The following SP140 variants were observed in gnomAD, a reference collection of about 807,000 sequenced individuals.
The protein encoded by SP140 is nuclear body protein SP140.
Under a neutral mutation model 125.0 loss-of-function variants are expected in SP140, and 81 were observed. The observed-to-expected ratio is 0.65, with a 90% CI of 0.54 to 0.78. The LOEUF is 0.78. Ranked by LOEUF, SP140 falls within the 30% of genes least tolerant of loss-of-function variation. The pLI, the probability that SP140 is intolerant of heterozygous loss-of-function variation, is 0.00. For missense variants in SP140, 858 were observed against 1,037.0 expected, an observed-to-expected ratio of 0.83 and a Z score of 2.37; for synonymous variants, 312 against 354.0, an observed-to-expected ratio of 0.88 and a Z score of 1.33.
At chr2:230,275,170 C>T (rs533725259) in intron 15 of SP140, among the ~76,000 whole-genome samples, 6 of 152,136 alleles carry the variant, frequency 3.9e-5, no homozygotes, top group South Asian at 2.1e-4. Flanking sequence ...GGGTTGACTA[C>T]GTGTGTTGTC....
At chr2:230,229,163 A>G (rs1408964468) in intron 1 of SP140, among the ~76,000 whole-genome samples, 1 of 152,008 alleles carries the variant, frequency 6.6e-6, no homozygotes, top group Non-Finnish European at 1.5e-5. Flanking sequence ...ACACCATGCA[A>G]CTGAATGTCC....
intron 1 of SP140, among the ~76,000 whole-genome samples, chr2:230,233,632 T>C (rs1020630410): frequency 4.5e-4 from 68 of 152,228 alleles, no homozygotes; most frequent in African/African-American, 1.5e-3. Context: ...AAATATGTAT[T>C]TATTCATTTA....
At chr2:230,296,327 G>T (rs1431859735) in intron 21 of SP140, among the ~76,000 whole-genome samples, 1 of 152,204 alleles carries the variant, frequency 6.6e-6, no homozygotes, top group African/African-American at 2.4e-5. Flanking sequence ...AGTTGGAGAG[G>T]CATTCAGTGA....
At chr2:230,240,817 A>G (rs1243581408) in intron 3 of SP140, among the ~76,000 whole-genome samples, 9 of 152,308 alleles carry the variant, frequency 5.9e-5, no homozygotes, top group Middle Eastern at 6.8e-3. Flanking sequence ...TTTACATGAG[A>G]GAAATGAAAA....
rs541159050 is a variant in SP140 at position 230,268,245 on chromosome 2, C to T, written c.1241-1287C>T. On this transcript the variant is annotated intron_variant, in intron 12 of 26. Coordinates refer to ENST00000392045, the MANE Select transcript of SP140 (RefSeq NM_007237.5). ...CTTTTTAAAAATAGACAGAAGAGGC[C>T]GGGTGTGGTGGCTCATGCCTATAAT... Among the ~76,000 whole-genome samples the T allele has an allele frequency of 4.6e-5, 7 of 152,158 alleles. No homozygotes were observed. In the East Asian group the frequency reaches 9.6e-4, roughly 21 times the overall value.
intron 12 of SP140, among the ~76,000 whole-genome samples, chr2:230,266,348 C>G (rs1213979615): frequency 6.6e-6 from 1 of 152,116 alleles, no homozygotes; most frequent in African/African-American, 2.4e-5. Flanking sequence ...TAAGAAATGT[C>G]TAGATCTATA....
chr2:230,225,605 C>T, upstream of SP140: 1 of 579,826 alleles, frequency 1.7e-6, no homozygotes, highest in Non-Finnish European at 3.1e-6. Flanking sequence ...AACAAGTGAC[C>T]CTGTCTTCCG....
chr2:230,229,427 C>T (rs2046917105), intron 1 of SP140, among the ~76,000 whole-genome samples: 1 of 144,436 alleles, frequency 6.9e-6, no homozygotes, highest in Admixed American at 6.9e-5. Context: ...TTCTGGCCCA[C>T]ATCATTTTTC....
intron 3 of SP140, chr2:230,220,066 A>G (rs1478302174): frequency 1.0e-6 from 1 of 985,558 alleles, no homozygotes; most frequent in Non-Finnish European, 1.2e-6. Flanking sequence ...CGGAAGCTGA[A>G]GGCAGGTCGG....
chr2:230,255,673 T>G, intron 12 of SP140, 141 bp downstream of exon 12: 1 of 718,260 alleles, frequency 1.4e-6, no homozygotes. Context: ...TTTTTCACAT[T>G]TTCTGTACAT....
At chr2:230,304,505 A>G (rs2058578817) in intron 22 of SP140, among the ~76,000 whole-genome samples, 1 of 152,234 alleles carries the variant, frequency 6.6e-6, no homozygotes, top group African/African-American at 2.4e-5. Context: ...TTCAAACTAT[A>G]CTACAAGGCT....
intron 12 of SP140, among the ~76,000 whole-genome samples, chr2:230,258,434 T>C (rs1336868945): frequency 6.6e-6 from 1 of 152,230 alleles, no homozygotes; most frequent in Non-Finnish European, 1.5e-5. Flanking sequence ...AATACTATCC[T>C]ATTTATTCCC....
At chr2:230,226,624 T>C (rs1472797953) in intron 1 of SP140, among the ~76,000 whole-genome samples, 1 of 151,972 alleles carries the variant, frequency 6.6e-6, no homozygotes, top group Non-Finnish European at 1.5e-5. Flanking sequence ...TAGCTGGGTG[T>C]CATGGTGTAT....
At chr2:230,239,251 G>A (rs2048384370) in intron 3 of SP140, among the ~76,000 whole-genome samples, 1 of 152,004 alleles carries the variant, frequency 6.6e-6, no homozygotes, top group Admixed American at 6.6e-5. Context: ...TTGGTTTCAG[G>A]AATACCCACC....
At chr2:230,210,582 A>T (rs1222523971) in intron 1 of SP140, among the ~76,000 whole-genome samples, 2 of 152,192 alleles carry the variant, frequency 1.3e-5, no homozygotes, top group East Asian at 3.9e-4. Flanking sequence ...GTATATAAGG[A>T]TTGTTTGAAG....
intron 16 of SP140, among the ~76,000 whole-genome samples, chr2:230,285,030 G>A (rs2056173357): frequency 6.6e-6 from 1 of 152,100 alleles, no homozygotes; most frequent in African/African-American, 2.4e-5. Context: ...TAATGAAAAA[G>A]TGTTATTCAA....
At position 230,239,151 on chromosome 2, in the gene SP140, T is replaced by C. The variant is rs1013888066; in HGVS notation, c.406+770T>C. 5.9e-6 allele frequency: 5 copies of C among 845,998 alleles called. No homozygotes were observed. The African/African-American group carries it at 8.7e-5, about 15-fold the overall frequency. The allele number at this position is 845,998 out of a possible 1,614,324, so 52.4% of individuals were successfully genotyped here. ...TATACCTTGATTCAAAAAAGAGGTA[T>C]CTTGTTTTCATATTATGATACATCC... is the stretch of plus-strand genomic sequence containing the variant. On this transcript the variant is annotated intron_variant, in intron 3 of 26. Transcript: ENST00000392045.
At chr2:230,307,096 G>C (rs1268700972) in intron 22 of SP140, among the ~76,000 whole-genome samples, 1 of 152,200 alleles carries the variant, frequency 6.6e-6, no homozygotes, top group Non-Finnish European at 1.5e-5. Flanking sequence ...GCAGAGAAGA[G>C]CTTCACACTC....
At position 230,310,003 on chromosome 2, in the gene SP140, A is replaced by G. The variant is rs767478672; in HGVS notation, c.2138A>G (p.His713Arg). The change falls in exon 23 of 27, where the codon CAT (histidine) becomes CGT (arginine). Residue 713 changes from histidine (H) to arginine (R), a missense_variant. Around this residue, in one of 4 missense-constraint regions of SP140, gnomAD observed 791 missense variants for 869.5 expected, o/e 0.91. Coordinates refer to ENST00000392045, the MANE Select transcript of SP140 (RefSeq NM_007237.5). ...FCCDTCSRVF[H>R]EDCHIPPVEA... ...TGCGACACTTGTTCAAGAGTCTTCCATGAGGACTGTCACATCCCGCCTGTG... is the reference window on the plus strand; with the variant it reads ...TGCGACACTTGTTCAAGAGTCTTCCGTGAGGACTGTCACATCCCGCCTGTG... The G allele has an allele frequency of 3.1e-6, 5 of 1,614,194 alleles. No individual in the cohort carries two copies.
Sources: gnomAD v4.1 joint callset for allele counts (sites outside exome capture counted in the v4.1 genomes callset) on GRCh38, gnomAD v4.1.1 for gene constraint, gnomAD v4.1.1 regional missense constraint, MANE v1.5 for transcripts, NCBI Gene and HGNC (gene_info 2026-07-23, HGNC 2026-07-21) for gene names.